The following ENPP3 variants were observed in gnomAD, a reference collection of about 807,000 sequenced individuals.
The protein encoded by ENPP3 is ectonucleotide pyrophosphatase/phosphodiesterase family member 3.
In ENPP3, 104 loss-of-function variants were observed where a neutral mutation model predicts 117.8. The observed-to-expected ratio is 0.88, with a 90% confidence interval of 0.75 to 1.04. ENPP3 has a LOEUF of 1.04. Among genes scored for constraint, ENPP3 ranks in the 50% least tolerant of loss-of-function variants. The probability of loss-of-function intolerance (pLI) is 0.00; values close to 1 mark genes in which losing one functional copy is unlikely to be tolerated. For missense variants in ENPP3, 1,026 were observed against 1,051.9 expected (o/e 0.98, Z 0.34); for synonymous variants, 380 against 349.9 (o/e 1.09, Z -0.96).
Position 131,658,529 on chromosome 6 carries a change from C to T in ENPP3, c.562+109C>T, listed in dbSNP as rs144099528. The stretch of plus-strand genomic sequence containing the variant: ...TTTTAACGCTGGTGGTTTGTCTTAG[C>T]CTAGATCCTCTCTGACTTTACCACA... On this transcript the variant is annotated intron_variant, in intron 6 of 24. Coordinates refer to ENST00000357639, the MANE Select transcript of ENPP3 (RefSeq NM_005021.5). 1.8e-3 allele frequency: 1,168 copies of T among 638,460 alleles called. 11 individuals are homozygous for T. Among genetic ancestry groups the T allele is most frequent in the African/African-American group, 0.017 (924 of 53,742 alleles). The allele number at this position is 638,460 out of a possible 1,614,324, so 39.5% of individuals were successfully genotyped here. A position where few individuals can be genotyped will look rare whatever the true frequency, so the allele number is the denominator to read the frequency against.
intron 20 of ENPP3, among the ~76,000 whole-genome samples, chr6:131,729,764 A>C (rs115042678): frequency 0.022 from 3,352 of 152,232 alleles, 142 homozygotes; most frequent in African/African-American, 0.074. Context: ...TGGATAAAGG[A>C]GGCCACATCC....
In ENPP3 at chr6:131,696,769, CTT is replaced by C. The variant is rs71710247; in HGVS notation, c.1412+3162_1412+3163del. ...TCTCTCAATGATCTACCCAGAGCACCTTTTTTTTTTTTTTTTTTGAAATGGAG... is the reference window on the plus strand; with the variant it reads ...TCTCTCAATGATCTACCCAGAGCACCTTTTTTTTTTTTTTTTGAAATGGAG... On this transcript the variant is annotated intron_variant, in intron 15 of 24. Transcript: ENST00000357639. Among the ~76,000 whole-genome samples, 1,290 of 132,932 alleles carry C rather than the reference CTT, an allele frequency of 9.7e-3. 26 individuals carry two copies. Among genetic ancestry groups the C allele is most frequent in the African/African-American group, 0.037 (1,223 of 33,462 alleles). 87.2% of individuals were successfully genotyped at this position (132,932 alleles called of 152,430 possible).
chr6:131,640,861 C>T (rs541786547), intron 1 of ENPP3, among the ~76,000 whole-genome samples: 4 of 152,166 alleles, frequency 2.6e-5, no homozygotes, highest in South Asian at 2.1e-4. Context: ...GTCAGCAGAG[C>T]GATAATGAAT....
chr6:131,663,367 C>T (rs1473499579), intron 6 of ENPP3, among the ~76,000 whole-genome samples: 6 of 151,354 alleles, frequency 4.0e-5, no homozygotes, highest in Admixed American at 4.0e-4. Flanking sequence ...TAATGGCGGT[C>T]CCATACATTA....
rs1042869105 is a variant in ENPP3 at position 131,723,975 on chromosome 6, C to T, written c.1747-65C>T. 7.8e-5 allele frequency: 88 copies of T among 1,133,252 alleles called. 1 individual carries two copies. The South Asian group carries it at 8.5e-4, about 11-fold the overall frequency. 70.2% of individuals were successfully genotyped at this position (1,133,252 alleles called of 1,614,324 possible). On this transcript the variant is annotated intron_variant, in intron 18 of 24. Coordinates refer to ENST00000357639, the MANE Select transcript of ENPP3 (RefSeq NM_005021.5). ...TACTACAGAAACAATCTTGATTACC[C>T]CTTAAAACACATATTGTTGCTTTGA...
chr6:131,652,000 T>C (rs1241939524), intron 3 of ENPP3, among the ~76,000 whole-genome samples: 1 of 152,222 alleles, frequency 6.6e-6, no homozygotes, highest in African/African-American at 2.4e-5. Flanking sequence ...ATGGGATTTA[T>C]TGAAACTGTT....
intron 9 of ENPP3, chr6:131,675,427 C>T (rs977062029): frequency 9.5e-6 from 4 of 418,892 alleles, no homozygotes; most frequent in African/African-American, 6.1e-5. Context: ...CACTCTGGTT[C>T]GAGCTGTCAT....
At chr6:131,640,541 C>A (rs1479607137) in intron 1 of ENPP3, among the ~76,000 whole-genome samples, 1 of 152,042 alleles carries the variant, frequency 6.6e-6, no homozygotes, top group Non-Finnish European at 1.5e-5. Flanking sequence ...AGAATGAAAA[C>A]AATCCTCAAA....
rs1158194876 is a variant in ENPP3 at position 131,746,956 on chromosome 6, A to T, written c.2628A>T (p.Ter876TyrextTer21). The T allele has an allele frequency of 4.5e-5, 70 of 1,551,574 alleles. No individual in the cohort carries two copies. Among genetic ancestry groups the T allele is most frequent in the Non-Finnish European group, 6.0e-5 (68 of 1,130,042 alleles). The change falls in exon 25 of 25, where the codon TAA becomes TAT. Residue 876 changes from the stop codon to tyrosine, a stop_lost. Coordinates refer to ENST00000357639, the MANE Select transcript of ENPP3 (RefSeq NM_005021.5). Reference protein sequence around the residue: ...TYLPTFETTI* With the variant: ...TYLPTFETTIY ...TACCAACATTTGAAACCACTATTTA[A>T]CTTAATAATGTCTACTTAATATATA...
At chr6:131,696,672 T>G (rs1585681826) in intron 15 of ENPP3, among the ~76,000 whole-genome samples, 1 of 152,064 alleles carries the variant, frequency 6.6e-6, no homozygotes, top group Non-Finnish European at 1.5e-5. Context: ...TGTTGTTGTT[T>G]TTGCCAAAAG....
intron 3 of ENPP3, among the ~76,000 whole-genome samples, chr6:131,651,656 AGGT>A (rs1017039811): frequency 4.6e-5 from 7 of 152,290 alleles, no homozygotes; most frequent in African/African-American, 1.7e-4. Flanking sequence ...TAATCTGGGA[AGGT>A]GGTGGTGGGG....
chr6:131,733,538 G>A (rs188829983), intron 20 of ENPP3, 50 bp from the exon 21 acceptor site: 3 of 1,588,430 alleles, frequency 1.9e-6, no homozygotes, highest in African/African-American at 1.3e-5. Flanking sequence ...ATAAGGCAAT[G>A]GGTGAGCCGC....
chr6:131,699,569 C>A (rs1347396847), intron 15 of ENPP3: 2 of 152,078 alleles, frequency 1.3e-5, no homozygotes, highest in Non-Finnish European at 2.9e-5. Context: ...AGATTGATTT[C>A]ATTCAGCGGC....
Position 131,658,153 on chromosome 6 carries a change from C to CA in ENPP3, c.465-155dup, listed in dbSNP as rs199850108. ...TGGGTGACAGAGTAAAACTGTGTCT[C>CA]AAAAAAAAAAAAAAAGAAATTAAAA... On this transcript the variant is annotated intron_variant, in intron 5 of 24. Transcript: ENST00000357639. Among the ~76,000 whole-genome samples, 565 of 83,570 alleles carry CA rather than the reference C, an allele frequency of 6.8e-3. 3 individuals are homozygous for CA. Among genetic ancestry groups the CA allele is most frequent in the African/African-American group, 0.019 (439 of 23,380 alleles). The allele number at this position is 83,570 out of a possible 152,430, so 54.8% of individuals were successfully genotyped here.
rs1056585930 is a variant in ENPP3, at chr6:131,685,960, A to G, written c.1284+53A>G. 2.9e-5 allele frequency: 17 copies of G among 579,244 alleles called. No individual in the cohort carries two copies. The Middle Eastern group carries it at 1.3e-3, about 46-fold the overall frequency. The allele number at this position is 579,244 out of a possible 1,614,324, so 35.9% of individuals were successfully genotyped here. On this transcript the variant is annotated intron_variant, in intron 14 of 24. Coordinates refer to ENST00000357639, the MANE Select transcript of ENPP3 (RefSeq NM_005021.5). Reference sequence around the variant, plus strand: ...TATTTAAGTTAATGCAATGACCTTAATCTGGGTTTTTGAGAAATTCATATT... The same window carrying G: ...TATTTAAGTTAATGCAATGACCTTAGTCTGGGTTTTTGAGAAATTCATATT...
At position 131,652,764 on chromosome 6, in the gene ENPP3, C is replaced by A. The variant is rs570936470; in HGVS notation, c.404-67C>A. ...CTAGGCTGCAAAAATCAAAACACATCGGAGAATCTTTAGTTACTCTGTCTG... is the reference window on the plus strand; with the variant it reads ...CTAGGCTGCAAAAATCAAAACACATAGGAGAATCTTTAGTTACTCTGTCTG... On this transcript the variant is annotated intron_variant, in intron 4 of 24. Coordinates refer to ENST00000357639, the MANE Select transcript of ENPP3 (RefSeq NM_005021.5). 4 of 1,588,718 alleles carry A rather than the reference C, an allele frequency of 2.5e-6. No homozygotes were observed. In the South Asian group the frequency reaches 4.4e-5, roughly 18 times the overall value.
intron 6 of ENPP3, among the ~76,000 whole-genome samples, chr6:131,668,996 G>A (rs973077225): frequency 6.6e-6 from 1 of 152,134 alleles, no homozygotes; most frequent in Non-Finnish European, 1.5e-5. Flanking sequence ...TAACTAGGAC[G>A]GTGCCATGCT....
chr6:131,678,012 G>C (rs1778909095), intron 11 of ENPP3, 72 bp downstream of exon 11: 1 of 881,702 alleles, frequency 1.1e-6, no homozygotes, highest in African/African-American at 1.7e-5. Context: ...AAACAAGATA[G>C]TATTCTTTAA....
intron 15 of ENPP3, among the ~76,000 whole-genome samples, chr6:131,706,091 C>CA (rs1779634059): frequency 8.0e-6 from 1 of 124,936 alleles, no homozygotes; most frequent in East Asian, 2.6e-4. Context: ...TGCAGTGGTG[C>CA]AATCTCAGTT....
Sources: allele counts gnomAD v4.1 joint callset (sites outside exome capture counted in the v4.1 genomes callset), GRCh38; gene constraint gnomAD v4.1.1; transcripts MANE v1.5; gene names NCBI Gene and HGNC (gene_info 2026-07-23, HGNC 2026-07-21).